Variants in NARS2 observed in about 807,000 individuals in gnomAD.
NARS2 encodes asparaginyl-tRNA synthetase 2, mitochondrial.
Under a neutral mutation model 62.9 loss-of-function variants are expected in NARS2, and 60 were observed. The observed-to-expected ratio is 0.95, with a 90% confidence interval of 0.77 to 1.18. NARS2 has a LOEUF of 1.18. Among genes scored for constraint, NARS2 ranks in the 50% most tolerant of loss-of-function variants. The probability of loss-of-function intolerance (pLI) is 0.00; values close to 1 mark genes in which losing one functional copy is unlikely to be tolerated. For synonymous variants in NARS2, 196 were observed against 200.0 expected (o/e 0.98, Z 0.17); for missense variants, 619 against 576.4 (o/e 1.07, Z -0.76).
chr11:78,547,862 C>T (rs750116446), intron 5 of NARS2, among the ~76,000 whole-genome samples: 1 of 149,570 alleles, frequency 6.7e-6, no homozygotes. Context: ...AAGGAACTTA[C>T]CATCTACACA....
chr11:78,442,623 C>CTT (rs1195764431), intron 12 of NARS2, among the ~76,000 whole-genome samples: 1 of 75,550 alleles, frequency 1.3e-5, no homozygotes, highest in South Asian at 4.2e-4. Context: ...TAAAGTCTTT[C>CTT]TTTTTTTTTT....
intron 7 of NARS2, among the ~76,000 whole-genome samples, chr11:78,482,829 C>T (rs981279257): frequency 2.6e-5 from 4 of 152,154 alleles, no homozygotes; most frequent in African/African-American, 9.7e-5. Flanking sequence ...GGAGCTAGAA[C>T]CATTCCTTCT....
At chr11:78,536,011 T>G (rs1203714914) in intron 5 of NARS2, among the ~76,000 whole-genome samples, 1 of 152,146 alleles carries the variant, frequency 6.6e-6, no homozygotes, top group Non-Finnish European at 1.5e-5. Context: ...GCCACAGTAC[T>G]CTATATGATG....
chr11:78,517,728 T>C (rs1407730949), intron 6 of NARS2, among the ~76,000 whole-genome samples: 1 of 152,204 alleles, frequency 6.6e-6, no homozygotes, highest in Non-Finnish European at 1.5e-5. Context: ...TATTCCTACT[T>C]AAAAGCCATT....
intron 6 of NARS2, among the ~76,000 whole-genome samples, chr11:78,508,051 T>C (rs933055195): frequency 9.9e-5 from 15 of 151,816 alleles, no homozygotes; most frequent in African/African-American, 3.4e-4. Context: ...AAAGAACACC[T>C]AGGAAAACAA....
rs58282524 is a variant in NARS2 at position 78,521,789 on chromosome 11, C to CAAAAAA, written c.689+7047_689+7052dup. On this transcript the variant is annotated intron_variant, in intron 6 of 13. Transcript: ENST00000281038. ...TGGGCGACAGAGCGAGACTCCGTCT[C>CAAAAAA]AAAAAAAAAAAAAAAAAAAAGAAAA... 7.9e-4 allele frequency among the ~76,000 whole-genome samples: 76 copies of CAAAAAA among 96,068 alleles called. 1 individual carries two copies. Among genetic ancestry groups the CAAAAAA allele is most frequent in the African/African-American group, 3.2e-3 (67 of 21,212 alleles). 63.0% of individuals were successfully genotyped at this position (96,068 alleles called of 152,430 possible).
At chr11:78,507,052 G>T (rs1036491166) in intron 6 of NARS2, among the ~76,000 whole-genome samples, 1 of 152,026 alleles carries the variant, frequency 6.6e-6, no homozygotes, top group African/African-American at 2.4e-5. Flanking sequence ...GGAGAAAAAA[G>T]GATCCTCCAA....
chr11:78,571,799 A>T (rs1020676964), intron 1 of NARS2: 2 of 179,448 alleles, frequency 1.1e-5, no homozygotes, highest in Non-Finnish European at 2.4e-5. Context: ...AACAGGGCAC[A>T]TATCTTGGTG....
At chr11:78,494,456 G>GTT (rs1590772078) in intron 6 of NARS2, among the ~76,000 whole-genome samples, 1 of 131,286 alleles carries the variant, frequency 7.6e-6, no homozygotes, top group African/African-American at 2.8e-5. Context: ...ATATATATAA[G>GTT]TTTTTTCTTT....
At chr11:78,524,954 T>C (rs2135419390) in intron 6 of NARS2, among the ~76,000 whole-genome samples, 1 of 152,258 alleles carries the variant, frequency 6.6e-6, no homozygotes, top group South Asian at 2.1e-4. Context: ...CAGAATATTA[T>C]TTAGCACTAC....
chr11:78,513,246 T>A (rs1860781029), intron 6 of NARS2, among the ~76,000 whole-genome samples: 1 of 152,080 alleles, frequency 6.6e-6, no homozygotes, highest in South Asian at 2.1e-4. Flanking sequence ...TGAGACTGTC[T>A]CAAAAATAAA....
At chr11:78,448,242 T>C (rs1265467250) in intron 11 of NARS2, among the ~76,000 whole-genome samples, 2 of 151,500 alleles carry the variant, frequency 1.3e-5, no homozygotes, top group African/African-American at 4.8e-5. Flanking sequence ...AAAGAAGGGA[T>C]AGGTATATTC....
Position 78,443,702 on chromosome 11 carries a change from G to A in NARS2, c.1221C>T (p.Leu407=), listed in dbSNP as rs1857653536. The A allele has an allele frequency of 6.2e-7, 1 of 1,613,526 alleles. No homozygotes were observed. The highest frequency in any genetic ancestry group is 1.3e-5 in the African/African-American group (1 of 74,844). Residue 407 remains leucine, a synonymous_variant, in exon 12 of 14, where the codon CTC becomes CTT. Transcript: ENST00000281038. ...PGVGELFGGG[L]REERYHFLEE... ...CTAAGAAATGGTATCGTTCTTCTCTGAGGCCTCCTCCAAAGAGTTCCCCAA... is the reference window on the plus strand; with the variant it reads ...CTAAGAAATGGTATCGTTCTTCTCTAAGGCCTCCTCCAAAGAGTTCCCCAA...
intron 11 of NARS2, among the ~76,000 whole-genome samples, chr11:78,448,000 G>A (rs1165655164): frequency 2.6e-5 from 4 of 151,040 alleles, no homozygotes; most frequent in Non-Finnish European, 5.9e-5. Flanking sequence ...GGTGACTAGA[G>A]TCAACAATAC....
At chr11:78,480,908 T>A (rs1859326013) in intron 7 of NARS2, among the ~76,000 whole-genome samples, 1 of 151,728 alleles carries the variant, frequency 6.6e-6, no homozygotes, top group East Asian at 1.9e-4. Flanking sequence ...AGCCGCCATC[T>A]CCCAGGTTCA....
Position 78,436,426 on chromosome 11 carries a change from G to C in NARS2, c.*244C>G. 1 of 415,528 alleles carries C rather than the reference G, an allele frequency of 2.4e-6. No homozygotes were observed. The highest frequency in any genetic ancestry group is 4.3e-6 in the Non-Finnish European group (1 of 230,912). 25.7% of individuals were successfully genotyped at this position (415,528 alleles called of 1,614,324 possible). On this transcript the variant is annotated 3_prime_UTR_variant, in exon 14 of 14. Coordinates refer to ENST00000281038, the MANE Select transcript of NARS2 (RefSeq NM_024678.6). ...TTCAATTTCTTCATTTCTTAATTGA[G>C]GTAATGGATTTGAGAGTCCCCTTGC...
chr11:78,464,041 C>T (rs990078405), intron 11 of NARS2, among the ~76,000 whole-genome samples: 2 of 152,102 alleles, frequency 1.3e-5, no homozygotes, highest in African/African-American at 2.4e-5. Context: ...TTAAAGGCGG[C>T]GCGTCCGGAG....
At chr11:78,490,207 A>T (rs1859757640) in intron 7 of NARS2, among the ~76,000 whole-genome samples, 1 of 152,196 alleles carries the variant, frequency 6.6e-6, no homozygotes, top group South Asian at 2.1e-4. Context: ...ACTCTCAGGG[A>T]GTAACGTCAC....
intron 5 of NARS2, among the ~76,000 whole-genome samples, chr11:78,554,235 T>A (rs1323857642): frequency 3.3e-5 from 5 of 152,154 alleles, no homozygotes; most frequent in African/African-American, 1.2e-4. Flanking sequence ...ATCTGGGCTA[T>A]CTTGGCTATC....
Sources: gnomAD v4.1 joint callset for allele counts (sites outside exome capture counted in the v4.1 genomes callset) on GRCh38, gnomAD v4.1.1 for gene constraint, MANE v1.5 for transcripts, NCBI Gene and HGNC (gene_info 2026-07-23, HGNC 2026-07-21) for gene names.